Variants in SCD5 observed in about 807,000 individuals in gnomAD.
SCD5 encodes stearoyl-CoA desaturase 5, also known as acyl-CoA-desaturase 4.
In SCD5, 20 loss-of-function variants were observed where a neutral mutation model predicts 30.4. The ratio of observed to expected loss-of-function variants is 0.66; its 90% CI spans 0.46 to 0.96. SCD5 has a LOEUF of 0.96. Among genes scored for constraint, SCD5 ranks in the 40% least tolerant of loss-of-function variants. The pLI is 0.00. For missense variants in SCD5, 381 were observed against 443.3 expected (o/e 0.86, Z 1.26); for synonymous variants, 173 against 176.4 (o/e 0.98, Z 0.16).
intron 1 of SCD5, among the ~76,000 whole-genome samples, chr4:82,724,885 G>C (rs1322418918): frequency 6.6e-6 from 1 of 152,196 alleles, no homozygotes; most frequent in Non-Finnish European, 1.5e-5. Context: ...GCCTCTGAGA[G>C]CAAATGGAAC....
chr4:82,676,587 G>A (rs560371403), intron 3 of SCD5, among the ~76,000 whole-genome samples: 16 of 152,358 alleles, frequency 1.1e-4, no homozygotes, highest in African/African-American at 3.6e-4. Context: ...CAGATCCCAG[G>A]AGGAGACTGC....
At chr4:82,687,633 T>C (rs1163109350) in intron 2 of SCD5, among the ~76,000 whole-genome samples, 2 of 152,226 alleles carry the variant, frequency 1.3e-5, no homozygotes, top group East Asian at 3.8e-4. Context: ...TTCTGTATTT[T>C]GTGCCTCCAT....
chr4:82,669,644 A>G (rs1442044045), intron 3 of SCD5, among the ~76,000 whole-genome samples: 1 of 152,246 alleles, frequency 6.6e-6, no homozygotes, highest in Non-Finnish European at 1.5e-5. Context: ...GGAGTCCCCC[A>G]TGCTTTTGTG....
chr4:82,691,043 G>A (rs560761934), intron 2 of SCD5, among the ~76,000 whole-genome samples: 27 of 152,132 alleles, frequency 1.8e-4, no homozygotes, highest in Non-Finnish European at 3.1e-4. Flanking sequence ...TTTTGTTTTT[G>A]AGATGGAGTC....
At chr4:82,647,583 G>C (rs543936353) in intron 3 of SCD5, among the ~76,000 whole-genome samples, 12 of 152,240 alleles carry the variant, frequency 7.9e-5, no homozygotes, top group Admixed American at 1.3e-4. Context: ...TGCTCTAAAG[G>C]TTACGTGGGT....
At chr4:82,720,441 T>TACAAAAAAAAAAAAATAAAAAAAAA (rs778480466) in intron 1 of SCD5, among the ~76,000 whole-genome samples, 1 of 77,940 alleles carries the variant, frequency 1.3e-5, no homozygotes. Flanking sequence ...AAGGCAAAAA[T>TACAAAAAAAAAAAAATAAAAAAAAA]AAAAAAAAAA....
intron 2 of SCD5, among the ~76,000 whole-genome samples, chr4:82,700,390 C>A (rs1719803068): frequency 6.6e-6 from 1 of 151,980 alleles, no homozygotes; most frequent in Admixed American, 6.6e-5. Flanking sequence ...ACTTAGGTAT[C>A]ATCATATTCA....
At chr4:82,731,039 G>A (rs567293315) in intron 1 of SCD5, among the ~76,000 whole-genome samples, 10 of 152,186 alleles carry the variant, frequency 6.6e-5, no homozygotes, top group Non-Finnish European at 8.8e-5. Flanking sequence ...ACAACCATTC[G>A]GAAATGTACC....
intron 3 of SCD5, among the ~76,000 whole-genome samples, chr4:82,647,399 G>A (rs1727654739): frequency 6.6e-6 from 1 of 152,154 alleles, no homozygotes; most frequent in African/African-American, 2.4e-5. Flanking sequence ...CCTCCATTTG[G>A]GAAAAGAGCC....
intron 1 of SCD5, among the ~76,000 whole-genome samples, chr4:82,728,601 A>G (rs951316924): frequency 1.3e-5 from 2 of 152,112 alleles, no homozygotes; most frequent in Admixed American, 1.3e-4. Flanking sequence ...TCATGACTCA[A>G]CTGATCCTGT....
At chr4:82,755,980 T>C (rs1482083077) in intron 1 of SCD5, among the ~76,000 whole-genome samples, 1 of 152,220 alleles carries the variant, frequency 6.6e-6, no homozygotes, top group Non-Finnish European at 1.5e-5. Flanking sequence ...AGAATTTGTT[T>C]AAATCAAATT....
chr4:82,636,351 T>C (rs1727428808), intron 4 of SCD5, among the ~76,000 whole-genome samples: 1 of 151,082 alleles, frequency 6.6e-6, no homozygotes, highest in Non-Finnish European at 1.5e-5. Flanking sequence ...CTCAGGAGGC[T>C]GAGGCAGGAG....
intron 3 of SCD5, among the ~76,000 whole-genome samples, chr4:82,674,065 A>T (rs1236633678): frequency 6.6e-6 from 1 of 152,180 alleles, no homozygotes; most frequent in Non-Finnish European, 1.5e-5. Context: ...AAGATAACAT[A>T]GAAAATGTAG....
intron 1 of SCD5, among the ~76,000 whole-genome samples, chr4:82,750,106 T>A (rs1056011615): frequency 6.6e-6 from 1 of 152,220 alleles, no homozygotes; most frequent in Non-Finnish European, 1.5e-5. Context: ...TTACACAAAA[T>A]AGTCCATAAA....
intron 3 of SCD5, among the ~76,000 whole-genome samples, chr4:82,649,341 T>C (rs1044892562): frequency 1.3e-5 from 2 of 152,138 alleles, no homozygotes; most frequent in Non-Finnish European, 2.9e-5. Flanking sequence ...CAGAGGTCTG[T>C]GACAAGGCTT....
chr4:82,792,048 G>A lies in SCD5; in HGVS notation c.232+6258C>T, dbSNP rs529542052. ...CGAGGAGGGCGGATCACCTGAGGTC[G>A]GGAGTTTGAGACCAGCCTGACCAAC... On this transcript the variant is annotated intron_variant, in intron 1 of 4. Coordinates refer to ENST00000319540, the MANE Select transcript of SCD5 (RefSeq NM_001037582.3). Among the ~76,000 whole-genome samples the A allele has an allele frequency of 3.3e-5, 5 of 150,918 alleles. No homozygotes were observed. In the East Asian group the frequency reaches 6.0e-4, roughly 18 times the overall value.
chr4:82,651,992 T>C (rs1727767669), intron 3 of SCD5, among the ~76,000 whole-genome samples: 1 of 152,228 alleles, frequency 6.6e-6, no homozygotes, highest in Admixed American at 6.5e-5. Context: ...CTCAAAACCA[T>C]TACTGTGCAT....
chr4:82,720,808 G>A (rs1406564798), intron 1 of SCD5, among the ~76,000 whole-genome samples: 1 of 152,164 alleles, frequency 6.6e-6, no homozygotes, highest in Non-Finnish European at 1.5e-5. Context: ...ATGCTTAGTA[G>A]ATAAAGGGGT....
intron 3 of SCD5, among the ~76,000 whole-genome samples, chr4:82,666,409 G>T (rs10471048): frequency 6.6e-6 from 1 of 151,802 alleles, no homozygotes; most frequent in Non-Finnish European, 1.5e-5. Flanking sequence ...CCACCTACTC[G>T]GGAGGCTGAG....
Sources: gnomAD v4.1 joint callset for allele counts (sites outside exome capture counted in the v4.1 genomes callset) on GRCh38, gnomAD v4.1.1 for gene constraint, MANE v1.5 for transcripts, NCBI Gene and HGNC (gene_info 2026-07-23, HGNC 2026-07-21) for gene names.